The following TMPRSS9 variants were observed in gnomAD, a reference collection of about 807,000 sequenced individuals.
TMPRSS9 encodes transmembrane protease serine 9.
In TMPRSS9, 113 loss-of-function variants were observed where a neutral mutation model predicts 111.4. That is an observed-to-expected ratio of 1.01 (90% CI 0.87 to 1.19). The LOEUF is 1.19. TMPRSS9 is among the 50% of genes most tolerant of loss of function. The pLI, the probability that TMPRSS9 is intolerant of heterozygous loss-of-function variation, is 0.00. For synonymous variants in TMPRSS9, 805 were observed against 659.1 expected (o/e 1.22, Z -3.39); for missense variants, 1,803 against 1,513.1 (o/e 1.19, Z -3.18).
At chr19:2,413,237 G>A (rs1971136098) in intron 9 of TMPRSS9, among the ~76,000 whole-genome samples, 1 of 152,020 alleles carries the variant, frequency 6.6e-6, no homozygotes, top group East Asian at 1.9e-4. Context: ...GAACGTAAGG[G>A]TCAGGGTGAA....
intron 13 of TMPRSS9, among the ~76,000 whole-genome samples, chr19:2,420,881 C>T (rs141134937): frequency 5.3e-5 from 8 of 151,976 alleles, no homozygotes; most frequent in African/African-American, 1.9e-4. Context: ...TATAAATGGG[C>T]GATTCACAAT....
At chr19:2,416,783 G>C in exon 12 of TMPRSS9, 1 of 1,611,648 alleles carries the variant, frequency 6.2e-7, no homozygotes, top group Non-Finnish European at 8.5e-7. Flanking sequence ...ATGATCTCCG[G>C]ATGGGGAAAT....
chr19:2,397,592 C>T (rs539117681), intron 2 of TMPRSS9, among the ~76,000 whole-genome samples: 3 of 152,206 alleles, frequency 2.0e-5, no homozygotes, highest in South Asian at 2.1e-4. Context: ...GAGAAACAGA[C>T]GTGTGACCAC....
intron 17 of TMPRSS9, 126 bp from the exon 19 acceptor site, chr19:2,425,801 T>C: frequency 7.3e-7 from 1 of 1,367,800 alleles, no homozygotes; most frequent in Admixed American, 2.5e-5. Flanking sequence ...TGAGCCCATT[T>C]TCCAGATAGT....
chr19:2,426,179 G>A, exon 18 of TMPRSS9: 1 of 1,015,044 alleles, frequency 9.9e-7, no homozygotes, highest in South Asian at 1.8e-5. Context: ...CCCTACCCAA[G>A]GACGGGTGTG....
chr19:2,386,634 C>T (rs750031201), upstream of TMPRSS9, among the ~76,000 whole-genome samples: 2 of 152,250 alleles, frequency 1.3e-5, no homozygotes, highest in Non-Finnish European at 2.9e-5. Context: ...TACACGTGGT[C>T]GGCTGCTTTA....
At position 2,408,308 on chromosome 19, in the gene TMPRSS9, G is replaced by A. The variant is rs116772876; in HGVS notation, c.843-48G>A. On this transcript the variant is annotated intron_variant, in intron 7 of 17. Coordinates refer to ENST00000648592, the Ensembl canonical transcript of TMPRSS9. Reference sequence around the variant, plus strand: ...GGCGAGTGTCCCGTCTGCCTCCCCCGACGGCTCTGACCCTCGGTGGCTTCT... The same window carrying A: ...GGCGAGTGTCCCGTCTGCCTCCCCCAACGGCTCTGACCCTCGGTGGCTTCT... 2.8e-5 allele frequency: 44 copies of A among 1,589,634 alleles called. No homozygotes were observed. The Admixed American group carries it at 4.6e-4, about 17-fold the overall frequency.
rs1970266447 is a variant in TMPRSS9, at chr19:2,368,776, T to TTTTTTTTTTG, written c.-26+8425_-26+8426insGTTTTTTTTT. Among the ~76,000 whole-genome samples, 3 of 92,822 alleles carry TTTTTTTTTTG rather than the reference T, an allele frequency of 3.2e-5. 1 individual carries two copies. The allele number at this position is 92,822 out of a possible 152,430, so 60.9% of individuals were successfully genotyped here. On this transcript the variant is annotated intron_variant, in intron 1 of 17. Coordinates refer to the TMPRSS9 transcript ENST00000649857. ...CCAGGGCATCAAGGATAAACCCAGT[T>TTTTTTTTTTG]TTTTTTTTTTTTTTTTTTTTTTTTT...
intron 1 of TMPRSS9, among the ~76,000 whole-genome samples, chr19:2,379,663 T>TTCTTTCTC (rs1970369735): frequency 6.7e-6 from 1 of 149,520 alleles, no homozygotes; most frequent in African/African-American, 2.5e-5. Flanking sequence ...CTTTCTTTCT[T>TTCTTTCTC]TCTTTCTTTC....
At chr19:2,396,813 G>T in intron 2 of TMPRSS9, 147 bp downstream of exon 3, 1 of 1,241,414 alleles carries the variant, frequency 8.1e-7, no homozygotes, top group South Asian at 1.5e-5. Context: ...CAGGCCAGGG[G>T]GCGGGCAGGA....
intron 1 of TMPRSS9, among the ~76,000 whole-genome samples, chr19:2,362,076 T>A (rs1297145138): frequency 1.3e-5 from 2 of 151,950 alleles, no homozygotes; most frequent in Admixed American, 1.3e-4. Context: ...TATGGCCATG[T>A]GATTTGTGTG....
exon 10 of TMPRSS9, chr19:2,414,000 A>G: frequency 6.3e-7 from 1 of 1,596,458 alleles, no homozygotes; most frequent in Non-Finnish European, 8.5e-7. Flanking sequence ...TGACTGGGTC[A>G]CCGTTCCTAA....
At chr19:2,405,607 GCACTGGGGACGT>G in intron 7 of TMPRSS9, 62 bp downstream of exon 8, 1 of 1,430,994 alleles carries the variant, frequency 7.0e-7, no homozygotes, top group Non-Finnish European at 9.2e-7. Flanking sequence ...CTTCCCTCGT[GCACTGGGGACGT>G]CACTTCTGGT....
rs35022362 is a variant in TMPRSS9, at chr19:2,409,104, A to T, written c.1117+474A>T. On this transcript the variant is annotated intron_variant, in intron 8 of 17. Transcript: ENST00000648592. ...TATTCACGAATTCCACTGCTTGCTA[A>T]GATATATTTATAACCCATCATCGAT... Among the ~76,000 whole-genome samples the T allele has an allele frequency of 7.2e-3, 1,083 of 150,574 alleles. 7 individuals are homozygous for T. Among genetic ancestry groups the T allele is most frequent in the Middle Eastern group, 0.014 (4 of 288 alleles).
At chr19:2,403,030 C>T (rs1424524300) in intron 5 of TMPRSS9, 52 bp from the exon 7 acceptor site, 10 of 1,420,584 alleles carry the variant, frequency 7.0e-6, no homozygotes, top group Non-Finnish European at 8.8e-6. Flanking sequence ...TGCCTTACTC[C>T]AACCAGGAGA....
chr19:2,425,870 AG>A (rs1163245158), intron 17 of TMPRSS9, 56 bp from the exon 19 acceptor site: 37 of 1,526,968 alleles, frequency 2.4e-5, no homozygotes, highest in Non-Finnish European at 2.7e-5. Context: ...CAATGACCCA[AG>A]GGCTGCTGTA....
In TMPRSS9 at chr19:2,419,262, G is replaced by A. The variant is rs544780467; in HGVS notation, c.2154+1124G>A. 4.7e-5 allele frequency among the ~76,000 whole-genome samples: 7 copies of A among 149,872 alleles called. No homozygotes were observed. In the East Asian group the frequency reaches 1.4e-3, roughly 30 times the overall value. ...TCTGTCGCCCAGGCTGGAGTGCAGT[G>A]GTGCGATCTTGGCTCACTGCAACCT... is the stretch of plus-strand genomic sequence containing the variant. On this transcript the variant is annotated intron_variant, in intron 13 of 17. Transcript: ENST00000648592.
Position 2,390,346 on chromosome 19 carries a change from C to A in TMPRSS9, c.142+419C>A, listed in dbSNP as rs1389774227. Among the ~76,000 whole-genome samples the A allele has an allele frequency of 2.1e-5, 3 of 144,978 alleles. No individual in the cohort carries two copies. The Admixed American group carries it at 2.2e-4, about 10-fold the overall frequency. ...CAAGCTCCACCTCCCGGGTTCACAC[C>A]GTTCTCCTGTGTCAGCCTCCCCGAG... On this transcript the variant is annotated intron_variant, in intron 1 of 17. Coordinates refer to ENST00000648592, the Ensembl canonical transcript of TMPRSS9.
intron 8 of TMPRSS9, among the ~76,000 whole-genome samples, chr19:2,409,319 T>C (rs1971048173): frequency 6.6e-6 from 1 of 151,682 alleles, no homozygotes; most frequent in Non-Finnish European, 1.5e-5. Context: ...ATTTTTGTAT[T>C]TTTTAGTAGA....
Sources: gnomAD v4.1 joint callset for allele counts (sites outside exome capture counted in the v4.1 genomes callset) on GRCh38, gnomAD v4.1.1 for gene constraint, MANE v1.5 for transcripts, NCBI Gene and HGNC (gene_info 2026-07-23, HGNC 2026-07-21) for gene names.